The following ACER1 variants were observed in gnomAD, a reference collection of about 807,000 sequenced individuals.
ACER1 encodes alkaline ceramidase 1.
A neutral mutation model predicts 24.9 loss-of-function variants in ACER1; 28 were observed. The ratio of observed to expected loss-of-function variants is 1.13; its 90% CI spans 0.83 to 1.54. The LOEUF (loss-of-function observed/expected upper bound fraction) is 1.54. Among genes scored for constraint, ACER1 ranks in the 40% most tolerant of loss-of-function variants. The probability of loss-of-function intolerance (pLI) is 0.00; values close to 1 mark genes in which losing one functional copy is unlikely to be tolerated. For synonymous variants in ACER1, 132 were observed against 131.4 expected (o/e 1.00, Z -0.03); for missense variants, 352 against 349.3 (o/e 1.01, Z -0.06).
At chr19:6,317,058 C>T (rs1167599238) in intron 1 of ACER1, among the ~76,000 whole-genome samples, 1 of 149,452 alleles carries the variant, frequency 6.7e-6, no homozygotes. Context: ...ACTGCAACCT[C>T]CGCATCCTGG....
chr19:6,332,193 C>G (rs1407690589), intron 1 of ACER1, among the ~76,000 whole-genome samples: 1 of 151,588 alleles, frequency 6.6e-6, no homozygotes, highest in East Asian at 1.9e-4. Context: ...TCTCGAACTC[C>G]TGACCTCAGG....
At chr19:6,319,552 G>A (rs1375821328) in intron 1 of ACER1, among the ~76,000 whole-genome samples, 1 of 151,936 alleles carries the variant, frequency 6.6e-6, no homozygotes, top group Non-Finnish European at 1.5e-5. Context: ...CATCCCTTGA[G>A]TACCTACTAT....
the ACER1 span, among the ~76,000 whole-genome samples, chr19:6,355,365 T>C: frequency 3.7e-4 from 51 of 137,880 alleles, no homozygotes; most frequent in African/African-American, 1.5e-3. Context: ...CACCACCCCA[T>C]CTAGGAAGTG....
chr19:6,325,431 T>A (rs950912294), intron 1 of ACER1, among the ~76,000 whole-genome samples: 7 of 152,078 alleles, frequency 4.6e-5, no homozygotes, highest in African/African-American at 1.4e-4. Flanking sequence ...GGTGGGTGGA[T>A]CACTTGAGGT....
chr19:6,311,225 T>TG (rs956127840), intron 3 of ACER1, among the ~76,000 whole-genome samples: 15 of 60,238 alleles, frequency 2.5e-4, no homozygotes, highest in Middle Eastern at 9.4e-3. Flanking sequence ...TAGGGTGGGC[T>TG]GGGGGGGTCC....
At chr19:6,312,666 C>G (rs994524208) in intron 1 of ACER1, among the ~76,000 whole-genome samples, 167 bp from the exon 2 acceptor site, 5 of 147,840 alleles carry the variant, frequency 3.4e-5, no homozygotes, top group Non-Finnish European at 5.9e-5. Flanking sequence ...TTCAGCCGAC[C>G]CTTTTTTTTT....
chr19:6,351,568 C>CAA, the ACER1 span, among the ~76,000 whole-genome samples: 3,551 of 126,146 alleles, frequency 0.028, 56 homozygotes, highest in Non-Finnish European at 0.044. Context: ...CGGCCCTTAC[C>CAA]AAAAAAAAAA....
chr19:6,347,943 A>C, the ACER1 span, among the ~76,000 whole-genome samples: 1 of 151,328 alleles, frequency 6.6e-6, no homozygotes, highest in Non-Finnish European at 1.5e-5. Flanking sequence ...TAATCCCAGC[A>C]CGTTGGGAGG....
chr19:6,358,933 C>CAAAAAAAAAAAAAAAAAAA, the ACER1 span, among the ~76,000 whole-genome samples: 1 of 75,398 alleles, frequency 1.3e-5, no homozygotes, highest in African/African-American at 5.9e-5. Flanking sequence ...AACTCTGTCT[C>CAAAAAAAAAAAAAAAAAAA]AAAAAAAAAA....
chr19:6,308,384 G>A (rs1200015925), intron 4 of ACER1, among the ~76,000 whole-genome samples: 2 of 149,464 alleles, frequency 1.3e-5, no homozygotes, highest in Non-Finnish European at 1.5e-5. Flanking sequence ...GCAGTGAGCC[G>A]GGATCGCACC....
At position 6,333,493 on chromosome 19, in the gene ACER1, TG is replaced by T. The variant is rs1353979014; in HGVS notation, c.58del (p.Gln20SerfsTer24). 11 of 1,592,392 alleles carry T rather than the reference TG, an allele frequency of 6.9e-6. No homozygotes were observed. In the Admixed American group the frequency reaches 1.2e-4, roughly 18 times the overall value. ...SEVDWCESNF[Q>X]YSELVAEFYN... ...GAACTCGGCCACCAGCTCCGAGTAC[TG>T]GAAGTTGCTCTCACACCAGTCCACC... On this transcript the variant is annotated frameshift_variant, in exon 1 of 6. Coordinates refer to ENST00000301452, the MANE Select transcript of ACER1 (RefSeq NM_133492.3). LOFTEE classifies it high-confidence loss of function.
At chr19:6,350,190 G>A in the ACER1 span, among the ~76,000 whole-genome samples, 8 of 134,050 alleles carry the variant, frequency 6.0e-5, no homozygotes, top group South Asian at 2.2e-4. Flanking sequence ...GGAAGGGTCC[G>A]GGCGTGGTGG....
the ACER1 span, among the ~76,000 whole-genome samples, chr19:6,344,831 A>ATTTATTTTATTTTATTTTAT: frequency 5.4e-3 from 814 of 150,574 alleles, 9 homozygotes; most frequent in African/African-American, 0.014. Context: ...ACAACAATCA[A>ATTTATTTTATTTTATTTTAT]TTTATTTTAT....
At chr19:6,334,548 T>C (rs773476148), upstream of ACER1, among the ~76,000 whole-genome samples, 6 of 152,100 alleles carry the variant, frequency 3.9e-5, no homozygotes, top group Non-Finnish European at 7.4e-5. Flanking sequence ...GATTTCACCA[T>C]GTTGGTCAAG....
chr19:6,333,633 G>C, upstream of ACER1: 4 of 1,237,508 alleles, frequency 3.2e-6, no homozygotes, highest in Non-Finnish European at 4.5e-6. Context: ...GATGAGGCGG[G>C]GAGAGGACAG....
intron 1 of ACER1, among the ~76,000 whole-genome samples, chr19:6,318,935 G>A: frequency 6.6e-6 from 1 of 151,464 alleles, no homozygotes; most frequent in Non-Finnish European, 1.5e-5. Context: ...GCCTGGCCCT[G>A]TGACTAATGC....
chr19:6,329,188 A>G (rs1793615016), intron 1 of ACER1, among the ~76,000 whole-genome samples: 1 of 151,686 alleles, frequency 6.6e-6, no homozygotes, highest in African/African-American at 2.4e-5. Context: ...TAAACACGAA[A>G]AGAAAAAATT....
chr19:6,307,331 C>G lies in ACER1; in HGVS notation c.489-41G>C. On this transcript the variant is annotated intron_variant, in intron 4 of 5. Coordinates refer to ENST00000301452, the MANE Select transcript of ACER1 (RefSeq NM_133492.3). ...GGGGACCAGGGGCTGGCTCGGAGAG[C>G]AGCACCTGATGGGGCTGATGGGAAA... The G allele has an allele frequency of 3.1e-6, 5 of 1,608,968 alleles. No homozygotes were observed. In the Admixed American group the frequency reaches 8.4e-5, roughly 27 times the overall value.
chr19:6,312,029 G>C (rs1374969115), intron 3 of ACER1, 120 bp downstream of exon 3: 4 of 1,347,412 alleles, frequency 3.0e-6, no homozygotes, highest in Non-Finnish European at 4.0e-6. Context: ...GGTCAGGGGA[G>C]GAATTCCAAG....
Sources: allele counts gnomAD v4.1 joint callset (sites outside exome capture counted in the v4.1 genomes callset), GRCh38; gene constraint gnomAD v4.1.1; transcripts MANE v1.5; gene names NCBI Gene and HGNC (gene_info 2026-07-23, HGNC 2026-07-21).